TENM2: variants seen among roughly 807,000 people sequenced by gnomAD.
The protein encoded by TENM2 is teneurin-2.
Under a neutral mutation model 245.2 loss-of-function variants are expected in TENM2, and 52 were observed. The observed-to-expected ratio is 0.21, with a 90% confidence interval of 0.17 to 0.27. The LOEUF (loss-of-function observed/expected upper bound fraction) is 0.27. TENM2 is among the 10% of genes least tolerant of loss of function. The pLI is 1.00. For synonymous variants in TENM2, 1,363 were observed against 1,438.9 expected, an observed-to-expected ratio of 0.95 and a Z score of 1.19; for missense variants, 3,046 against 3,666.8, an observed-to-expected ratio of 0.83 and a Z score of 4.37.
chr5:168,118,705 C>T (rs1374624978), intron 10 of TENM2, among the ~76,000 whole-genome samples: 3 of 152,196 alleles, frequency 2.0e-5, no homozygotes, highest in African/African-American at 7.2e-5. Flanking sequence ...TTGTTTTACT[C>T]TCCTTTGTAG....
At chr5:168,125,166 A>T (rs1370746869) in intron 11 of TENM2, 116 bp downstream of exon 13, 2 of 833,528 alleles carry the variant, frequency 2.4e-6, no homozygotes, top group Non-Finnish European at 1.9e-6. Context: ...GGGGACTTTG[A>T]TGAATCACAT....
At chr5:167,003,614 G>A in the TENM2 span, among the ~76,000 whole-genome samples, 1 of 152,144 alleles carries the variant, frequency 6.6e-6, no homozygotes, top group Non-Finnish European at 1.5e-5. Flanking sequence ...TTGACAATCA[G>A]TATTTGTTGC....
rs771312175 is a variant in TENM2 at position 167,528,679 on chromosome 5, G to A, written c.502+153206G>A. ...CCTTCCAATCCACCATACACTGTAC[G>A]GTGCTTAGCAAAGAAGATATGATTA... On this transcript the variant is annotated intron_variant, in intron 2 of 28. Transcript: ENST00000518659. Among the ~76,000 whole-genome samples, 4 of 152,038 alleles carry A rather than the reference G, an allele frequency of 2.6e-5. No individual in the cohort carries two copies. The South Asian group carries it at 6.2e-4, about 24-fold the overall frequency.
At chr5:167,791,145 T>A (rs1220614583) in intron 2 of TENM2, among the ~76,000 whole-genome samples, 3 of 152,142 alleles carry the variant, frequency 2.0e-5, no homozygotes, top group African/African-American at 7.2e-5. Flanking sequence ...TCTTAGAATT[T>A]ATCTAGCAAA....
At chr5:167,738,389 A>G (rs1484489980) in intron 2 of TENM2, among the ~76,000 whole-genome samples, 3 of 152,094 alleles carry the variant, frequency 2.0e-5, no homozygotes, top group East Asian at 1.9e-4. Context: ...GAGCTAGGCA[A>G]TTTGCTTTTA....
chr5:167,491,537 C>T (rs1768427475), intron 2 of TENM2, among the ~76,000 whole-genome samples: 1 of 152,106 alleles, frequency 6.6e-6, no homozygotes, highest in Non-Finnish European at 1.5e-5. Flanking sequence ...ACCCACTGTC[C>T]ACAGTACATT....
chr5:167,016,063 G>A, the TENM2 span, among the ~76,000 whole-genome samples: 1 of 151,906 alleles, frequency 6.6e-6, no homozygotes, highest in African/African-American at 2.4e-5. Context: ...GACCATCCTA[G>A]CTAACACGAT....
chr5:167,609,519 C>CAAAAAAAAAAAAT (rs1171421408), intron 2 of TENM2, among the ~76,000 whole-genome samples: 69 of 128,966 alleles, frequency 5.4e-4, no homozygotes, highest in Middle Eastern at 4.2e-3. Flanking sequence ...AAAACAAAAC[C>CAAAAAAAAAAAAT]TTACCTAGAA....
At chr5:168,207,646 G>C (rs1043505875) in intron 19 of TENM2, among the ~76,000 whole-genome samples, 6 of 152,188 alleles carry the variant, frequency 3.9e-5, no homozygotes, top group Non-Finnish European at 8.8e-5. Context: ...CAGAGGGAGG[G>C]AGGGGGAGGA....
chr5:167,698,679 G>GTTTTTTTTTTTTTTTTTT (rs1225922111), intron 2 of TENM2, among the ~76,000 whole-genome samples: 52 of 97,720 alleles, frequency 5.3e-4, no homozygotes, highest in South Asian at 6.7e-4. Context: ...TTTGTTTTTT[G>GTTTTTTTTTTTTTTTTTT]TTTTTTTTTT....
intron 4 of TENM2, among the ~76,000 whole-genome samples, chr5:167,988,597 G>A (rs545710253): frequency 2.2e-4 from 33 of 152,268 alleles, no homozygotes; most frequent in African/African-American, 7.7e-4. Context: ...AAGGCCCGGA[G>A]GCAAGAAGAT....
At chr5:167,771,134 A>ACTCT (rs144373096) in intron 2 of TENM2, among the ~76,000 whole-genome samples, 4 of 148,990 alleles carry the variant, frequency 2.7e-5, no homozygotes, top group Non-Finnish European at 4.5e-5. Flanking sequence ...TCAATCGGTC[A>ACTCT]CTCTCTCTCT....
chr5:168,039,627 G>A (rs567626077), intron 5 of TENM2, among the ~76,000 whole-genome samples: 2 of 152,202 alleles, frequency 1.3e-5, no homozygotes, highest in East Asian at 3.9e-4. Flanking sequence ...ATGGCTCCAG[G>A]CTTGTGTTTA....
At chr5:167,163,356 G>A in the TENM2 span, among the ~76,000 whole-genome samples, 1 of 152,144 alleles carries the variant, frequency 6.6e-6, no homozygotes, top group Non-Finnish European at 1.5e-5. Context: ...CTCCCAAAAT[G>A]CTGGGATTAC....
chr5:167,821,895 A>G (rs1419513890), intron 2 of TENM2, among the ~76,000 whole-genome samples: 1 of 152,056 alleles, frequency 6.6e-6, no homozygotes, highest in Non-Finnish European at 1.5e-5. Context: ...CAGTAGTCTC[A>G]AAAGCCCCGC....
chr5:166,982,829 G>A, the TENM2 span, among the ~76,000 whole-genome samples: 3 of 151,758 alleles, frequency 2.0e-5, no homozygotes, highest in Non-Finnish European at 4.4e-5. Flanking sequence ...TACATTCTCA[G>A]TAGTAGGGGA....
chr5:168,020,035 G>C (rs1786006364), intron 5 of TENM2, among the ~76,000 whole-genome samples: 1 of 152,192 alleles, frequency 6.6e-6, no homozygotes, highest in African/African-American at 2.4e-5. Flanking sequence ...CATGTTCTCT[G>C]AGGGTTAGGA....
chr5:167,092,897 G>A, the TENM2 span, among the ~76,000 whole-genome samples: 107 of 152,262 alleles, frequency 7.0e-4, 1 homozygote, highest in Non-Finnish European at 1.2e-3. Context: ...TAATTCGAGG[G>A]TGAAGATGAT....
At chr5:167,894,106 G>A (rs1774982415) in intron 3 of TENM2, among the ~76,000 whole-genome samples, 1 of 152,144 alleles carries the variant, frequency 6.6e-6, no homozygotes, top group Non-Finnish European at 1.5e-5. Context: ...TTCCTTGAGG[G>A]CAGAAGCTTT....
Sources: allele counts gnomAD v4.1 joint callset (sites outside exome capture counted in the v4.1 genomes callset), GRCh38; gene constraint gnomAD v4.1.1; transcripts MANE v1.5; gene names NCBI Gene and HGNC (gene_info 2026-07-23, HGNC 2026-07-21).